COL19A1: variants seen among roughly 807,000 people sequenced by gnomAD.
COL19A1 encodes collagen type XIX alpha 1 chain.
COL19A1 carries 159 observed loss-of-function variants against 190.2 expected under a neutral mutation model. The observed-to-expected ratio is 0.84, with a 90% CI of 0.73 to 0.95. The LOEUF (loss-of-function observed/expected upper bound fraction) is 0.95. Ranked by LOEUF, COL19A1 falls within the 40% of genes least tolerant of loss-of-function variation. The probability of loss-of-function intolerance (pLI) is 0.00; values close to 1 mark genes in which losing one functional copy is unlikely to be tolerated. For missense variants in COL19A1, 1,418 were observed against 1,431.9 expected (o/e 0.99, Z 0.16); for synonymous variants, 509 against 458.9 (o/e 1.11, Z -1.39).
chr6:70,157,478 T>C (rs1429261619), intron 34 of COL19A1, among the ~76,000 whole-genome samples: 2 of 152,272 alleles, frequency 1.3e-5, no homozygotes, highest in East Asian at 3.9e-4. Context: ...CCATCTGGCA[T>C]ATATTAACCT....
intron 42 of COL19A1, among the ~76,000 whole-genome samples, chr6:70,178,311 G>T (rs1765941004): frequency 6.6e-6 from 1 of 152,146 alleles, no homozygotes. Flanking sequence ...GGGAGGCAAA[G>T]GTTGCAGTGA....
At chr6:70,174,196 A>C (rs1006999116) in intron 41 of COL19A1, among the ~76,000 whole-genome samples, 2 of 152,216 alleles carry the variant, frequency 1.3e-5, no homozygotes, top group Non-Finnish European at 2.9e-5. Flanking sequence ...CAGGGACCAC[A>C]GAAGTGTGAT....
chr6:70,168,511 C>T, intron 39 of COL19A1, 144 bp from the exon 40 acceptor site: 1 of 691,790 alleles, frequency 1.4e-6, no homozygotes, highest in Non-Finnish European at 2.4e-6. Context: ...ATTTATTCAT[C>T]TTATTCTTCA....
chr6:70,053,944 C>A (rs960309227), intron 14 of COL19A1, among the ~76,000 whole-genome samples: 4 of 152,204 alleles, frequency 2.6e-5, no homozygotes, highest in Non-Finnish European at 5.9e-5. Context: ...AGGATCCACT[C>A]TGGCATTTTT....
At chr6:69,921,717 T>C (rs1375565141) in intron 4 of COL19A1, among the ~76,000 whole-genome samples, 1 of 143,268 alleles carries the variant, frequency 7.0e-6, no homozygotes, top group Non-Finnish European at 1.5e-5. Flanking sequence ...CGTATGTAGA[T>C]TCGTATATAT....
At chr6:70,195,474 A>G (rs1382077335) in intron 48 of COL19A1, among the ~76,000 whole-genome samples, 2 of 152,028 alleles carry the variant, frequency 1.3e-5, no homozygotes, top group Admixed American at 6.6e-5. Context: ...GAGACATTCC[A>G]TTTCCTGCCT....
chr6:70,023,628 G>T lies in COL19A1; in HGVS notation c.1028G>T (p.Gly343Val). The part of the protein sequence containing the change: ...EGSKGETGEK[G>V]EQGEKGDPAL... ...ATTGTATAAATTGTTTCTTTTTAGGGTGAACAAGGAGAAAAAGGAGATCCA... is the reference window on the plus strand; with the variant it reads ...ATTGTATAAATTGTTTCTTTTTAGGTTGAACAAGGAGAAAAAGGAGATCCA... The change falls in exon 12 of 51, where the codon GGT (glycine) becomes GTT (valine). Residue 343 changes from glycine (G) to valine (V), a missense_variant and splice_region_variant. Gly to Val is a moderately radical substitution (Grantham distance 109). Transcript: ENST00000620364. 1 of 1,607,202 alleles carries T rather than the reference G, an allele frequency of 6.2e-7. No individual in the cohort carries two copies. The highest frequency in any genetic ancestry group is 8.5e-7 in the Non-Finnish European group (1 of 1,178,080).
chr6:70,211,873 G>A lies in COL19A1; in HGVS notation c.*4599G>A, dbSNP rs1343217235. Among the ~76,000 whole-genome samples, 2 of 151,988 alleles carry A rather than the reference G, an allele frequency of 1.3e-5. No individual in the cohort carries two copies. The highest frequency in any genetic ancestry group is 2.1e-4 in the South Asian group (1 of 4,816). ...AAAATTTGTCTGAAAGATAAGACAAGCTTATAAGACCAAAGCTAAGTCTAA... is the reference window on the plus strand; with the variant it reads ...AAAATTTGTCTGAAAGATAAGACAAACTTATAAGACCAAAGCTAAGTCTAA... On this transcript the variant is annotated 3_prime_UTR_variant, in exon 51 of 51. Coordinates refer to ENST00000620364, the MANE Select transcript of COL19A1 (RefSeq NM_001858.6).
At chr6:70,031,192 T>G (rs1198946585) in intron 12 of COL19A1, among the ~76,000 whole-genome samples, 2 of 152,090 alleles carry the variant, frequency 1.3e-5, no homozygotes, top group African/African-American at 2.4e-5. Flanking sequence ...CCTCTGTGCT[T>G]CTTTTTCCCT....
intron 14 of COL19A1, among the ~76,000 whole-genome samples, chr6:70,067,290 G>T (rs1178135512): frequency 6.6e-6 from 1 of 152,138 alleles, no homozygotes; most frequent in African/African-American, 2.4e-5. Context: ...CAGGAGTGGA[G>T]AGAAATGGAT....
In COL19A1 at chr6:70,038,242, G is replaced by A. The variant is rs1256774764; in HGVS notation, c.1170+2303G>A. Reference sequence around the variant, plus strand: ...TAATTGTTCTCAAAACTAGCTCCACGCTAAAATCTACTGAAGAGTTAAAAA... The same window carrying A: ...TAATTGTTCTCAAAACTAGCTCCACACTAAAATCTACTGAAGAGTTAAAAA... On this transcript the variant is annotated intron_variant, in intron 14 of 50. Coordinates refer to ENST00000620364, the MANE Select transcript of COL19A1 (RefSeq NM_001858.6). Among the ~76,000 whole-genome samples the A allele has an allele frequency of 2.6e-5, 4 of 152,284 alleles. No homozygotes were observed. The East Asian group carries it at 5.8e-4, about 22-fold the overall frequency.
At chr6:69,990,261 CAT>C (rs1776546206) in intron 11 of COL19A1, among the ~76,000 whole-genome samples, 1 of 152,098 alleles carries the variant, frequency 6.6e-6, no homozygotes, top group Non-Finnish European at 1.5e-5. Flanking sequence ...TCCCAGTCAG[CAT>C]ATGTTTCAGC....
At chr6:69,942,732 T>TTGTGTG (rs1289844940) in intron 9 of COL19A1, among the ~76,000 whole-genome samples, 17 of 123,368 alleles carry the variant, frequency 1.4e-4, no homozygotes, top group East Asian at 1.2e-3. Context: ...TGTCATTCCA[T>TTGTGTG]TGTGTGTATG....
intron 14 of COL19A1, among the ~76,000 whole-genome samples, chr6:70,066,900 A>G (rs1781257085): frequency 6.6e-6 from 1 of 152,138 alleles, no homozygotes; most frequent in African/African-American, 2.4e-5. Context: ...TGAATTATAA[A>G]TATTTGGAAA....
intron 48 of COL19A1, among the ~76,000 whole-genome samples, chr6:70,193,562 C>T (rs1465346904): frequency 6.6e-6 from 1 of 152,142 alleles, no homozygotes; most frequent in Non-Finnish European, 1.5e-5. Flanking sequence ...TGGCTGGACC[C>T]CCACCAGAGC....
rs538353646 is a variant in COL19A1, at chr6:70,161,792, G to A, written c.2293-108G>A. On this transcript the variant is annotated intron_variant, in intron 34 of 50. Transcript: ENST00000620364. The stretch of plus-strand genomic sequence containing the variant: ...GTATATGACAAACATTATGTTTCTC[G>A]ATTAGCTAAATAAGTGTTTAATGTT... The A allele has an allele frequency of 2.1e-5, 14 of 652,002 alleles. No individual in the cohort carries two copies. In the South Asian group the frequency reaches 3.7e-4, roughly 17 times the overall value. 40.4% of individuals were successfully genotyped at this position (652,002 alleles called of 1,614,324 possible). A position where few individuals can be genotyped will look rare whatever the true frequency, so the allele number is the denominator to read the frequency against.
intron 9 of COL19A1, among the ~76,000 whole-genome samples, chr6:69,942,527 T>A (rs1262381336): frequency 6.6e-6 from 1 of 152,064 alleles, no homozygotes; most frequent in Non-Finnish European, 1.5e-5. Context: ...CTATCCCCAC[T>A]CCCACCCTTC....
At chr6:70,115,690 G>A (rs1229675981) in intron 16 of COL19A1, among the ~76,000 whole-genome samples, 4 of 152,028 alleles carry the variant, frequency 2.6e-5, no homozygotes, top group African/African-American at 9.7e-5. Context: ...AAGTATGAGA[G>A]CTTGAGGTCT....
At chr6:70,016,671 A>G (rs937102543) in intron 11 of COL19A1, among the ~76,000 whole-genome samples, 3 of 152,102 alleles carry the variant, frequency 2.0e-5, no homozygotes, top group African/African-American at 7.2e-5. Flanking sequence ...TACATAAAGA[A>G]CTTTTACAAC....
Sources: allele counts gnomAD v4.1 joint callset (sites outside exome capture counted in the v4.1 genomes callset), GRCh38; gene constraint gnomAD v4.1.1; transcripts MANE v1.5; gene names NCBI Gene and HGNC (gene_info 2026-07-23, HGNC 2026-07-21).